The following MCC variants were observed in gnomAD, a reference collection of about 807,000 sequenced individuals.
MCC encodes the protein colorectal mutant cancer protein.
In MCC, 90 loss-of-function variants were observed where a neutral mutation model predicts 116.2. The observed-to-expected ratio is 0.77, with a 90% CI of 0.65 to 0.92. MCC has a LOEUF of 0.92. Ranked by LOEUF, MCC falls within the 40% of genes least tolerant of loss-of-function variation. MCC has a pLI of 0.00. For missense variants in MCC, 1,516 were observed against 1,312.2 expected (o/e 1.16, Z -2.40); for synonymous variants, 578 against 510.5 (o/e 1.13, Z -1.78).
At chr5:113,107,208 C>CTTTTTTTTTTTTTTTTT (rs746820475) in intron 6 of MCC, among the ~76,000 whole-genome samples, 1 of 125,070 alleles carries the variant, frequency 8.0e-6, no homozygotes, top group Non-Finnish European at 1.6e-5. Flanking sequence ...GCATGTTTTT[C>CTTTTTTTTTTTTTTTTT]TTTTTTTTTT....
chr5:113,119,148 C>T (rs560631303), intron 6 of MCC, among the ~76,000 whole-genome samples: 11 of 152,348 alleles, frequency 7.2e-5, no homozygotes, highest in Middle Eastern at 3.4e-3. Context: ...GTATCTCCTA[C>T]GTGCAGGAAC....
intron 1 of MCC, among the ~76,000 whole-genome samples, chr5:113,390,274 T>C (rs1202707217): frequency 6.6e-6 from 1 of 152,204 alleles, no homozygotes; most frequent in African/African-American, 2.4e-5. Context: ...CTCTAAGTCG[T>C]TATTGTTACA....
At chr5:113,436,693 C>T (rs979892033) in intron 1 of MCC, 1 of 152,180 alleles carries the variant, frequency 6.6e-6, no homozygotes, top group Non-Finnish European at 1.5e-5. Context: ...AGATAATTAA[C>T]TAGAGTCTGA....
At chr5:113,183,460 T>C (rs918684507) in intron 3 of MCC, among the ~76,000 whole-genome samples, 2 of 152,108 alleles carry the variant, frequency 1.3e-5, no homozygotes, top group African/African-American at 2.4e-5. Context: ...GGAGTGTGGA[T>C]TGGTATTATG....
At chr5:113,080,128 G>C (rs1474250831) in intron 11 of MCC, among the ~76,000 whole-genome samples, 1 of 152,172 alleles carries the variant, frequency 6.6e-6, no homozygotes, top group Non-Finnish European at 1.5e-5. Context: ...AGTTAGAATG[G>C]CAATCATTAA....
rs573351378 is a variant in MCC, at chr5:113,137,977, G to A, written c.884+5241C>T. ...CATTACCCTGTAGCTATAAGGGATG[G>A]GAGAGTCTTCTAGGGTAGTCACAGA... is the stretch of plus-strand genomic sequence containing the variant. On this transcript the variant is annotated intron_variant, in intron 5 of 18. Transcript: ENST00000408903. Among the ~76,000 whole-genome samples the A allele has an allele frequency of 3.3e-5, 5 of 152,170 alleles. No homozygotes were observed. In the East Asian group the frequency reaches 9.7e-4, roughly 29 times the overall value.
chr5:113,131,062 G>C (rs758764236), intron 5 of MCC, among the ~76,000 whole-genome samples: 7 of 152,132 alleles, frequency 4.6e-5, no homozygotes, highest in Non-Finnish European at 7.4e-5. Context: ...AGAGGGTTTT[G>C]GTAAACTGTT....
intron 8 of MCC, among the ~76,000 whole-genome samples, chr5:113,097,851 G>A (rs920022635): frequency 6.6e-6 from 1 of 152,154 alleles, no homozygotes; most frequent in Non-Finnish European, 1.5e-5. Context: ...GTTCAAAATA[G>A]CATGTCTACT....
intron 3 of MCC, among the ~76,000 whole-genome samples, chr5:113,308,949 T>C (rs1425122783): frequency 6.6e-6 from 1 of 152,194 alleles, no homozygotes; most frequent in Non-Finnish European, 1.5e-5. Flanking sequence ...TCTAAAATCT[T>C]CCTCCATTGC....
chr5:113,134,218 T>C (rs1173341238), intron 5 of MCC, among the ~76,000 whole-genome samples: 2 of 152,220 alleles, frequency 1.3e-5, no homozygotes. Context: ...GTCTTATGTC[T>C]AGGTTTTAAT....
chr5:113,176,318 C>G (rs957436945), intron 3 of MCC, among the ~76,000 whole-genome samples: 4 of 152,236 alleles, frequency 2.6e-5, no homozygotes, highest in Admixed American at 2.6e-4. Context: ...AGTGGATGTA[C>G]AGAGAGGAGC....
intron 1 of MCC, among the ~76,000 whole-genome samples, chr5:113,392,204 C>A (rs754320352): frequency 5.9e-5 from 9 of 151,966 alleles, no homozygotes; most frequent in Non-Finnish European, 1.2e-4. Flanking sequence ...ATAGCAACTG[C>A]ACTCCAGCCT....
intron 1 of MCC, among the ~76,000 whole-genome samples, chr5:113,460,458 C>A (rs1771712537): frequency 6.6e-6 from 1 of 152,122 alleles, no homozygotes; most frequent in African/African-American, 2.4e-5. Flanking sequence ...TTGTCTTTTC[C>A]CCCAAACACA....
chr5:113,488,165 C>A, intron 1 of MCC, 80 bp downstream of exon 1: 1 of 1,354,588 alleles, frequency 7.4e-7, no homozygotes, highest in Admixed American at 2.9e-5. Flanking sequence ...CAAGTTGGGG[C>A]GAGGGGGCAG....
intron 1 of MCC, among the ~76,000 whole-genome samples, chr5:113,467,312 T>G (rs1002820283): frequency 2.7e-4 from 40 of 149,492 alleles, no homozygotes; most frequent in Admixed American, 1.3e-4. Flanking sequence ...GTTTTTATGG[T>G]TTTAGGTCTA....
chr5:113,085,515 T>G (rs928349318), intron 8 of MCC, among the ~76,000 whole-genome samples: 14 of 152,140 alleles, frequency 9.2e-5, no homozygotes, highest in Non-Finnish European at 1.5e-5. Flanking sequence ...TTAAATCACA[T>G]GTAATACAAA....
chr5:113,041,842 A>G (rs1751724762), intron 17 of MCC, among the ~76,000 whole-genome samples: 1 of 152,076 alleles, frequency 6.6e-6, no homozygotes. Context: ...TAAAAATACA[A>G]AAAATTAGCC....
At chr5:113,345,333 A>T (rs1246168418) in intron 2 of MCC, among the ~76,000 whole-genome samples, 1 of 151,912 alleles carries the variant, frequency 6.6e-6, no homozygotes, top group Non-Finnish European at 1.5e-5. Context: ...AGCCTGGGGG[A>T]GCTCACTGCC....
At chr5:113,195,306 C>T (rs1762343140) in intron 3 of MCC, among the ~76,000 whole-genome samples, 1 of 152,218 alleles carries the variant, frequency 6.6e-6, no homozygotes, top group Admixed American at 6.5e-5. Context: ...TCTACCAGCA[C>T]ATACAGGCAG....
Sources: gnomAD v4.1 joint callset for allele counts (sites outside exome capture counted in the v4.1 genomes callset) on GRCh38, gnomAD v4.1.1 for gene constraint, MANE v1.5 for transcripts, NCBI Gene and HGNC (gene_info 2026-07-23, HGNC 2026-07-21) for gene names.